NBEA: variants seen among roughly 807,000 people sequenced by gnomAD.
The protein encoded by NBEA is neurobeachin, also known as lysosomal-trafficking regulator 2.
Under a neutral mutation model 343.4 loss-of-function variants are expected in NBEA, and 44 were observed. That is an observed-to-expected ratio of 0.13 (90% CI 0.10 to 0.16). The LOEUF (loss-of-function observed/expected upper bound fraction) is 0.16, where lower values mean the gene tolerates loss of function less well. Among genes scored for constraint, NBEA ranks in the 10% least tolerant of loss-of-function variants. NBEA has a pLI of 1.00. For synonymous variants in NBEA, 1,175 were observed against 1,238.7 expected (o/e 0.95, Z 1.08); for missense variants, 2,555 against 3,631.3 (o/e 0.70, Z 7.62).
intron 39 of NBEA, among the ~76,000 whole-genome samples, chr13:35,438,184 T>C (rs149620404): frequency 1.3e-5 from 2 of 152,268 alleles, no homozygotes; most frequent in Admixed American, 6.5e-5. Context: ...TAATAAGATA[T>C]GCTGAGAACT....
At chr13:35,611,947 A>G (rs2082539485) in intron 48 of NBEA, among the ~76,000 whole-genome samples, 1 of 152,200 alleles carries the variant, frequency 6.6e-6, no homozygotes, top group South Asian at 2.1e-4. Context: ...TTGCTGGGTC[A>G]TATGGTAAAT....
At chr13:35,331,225 T>C (rs1341365648) in intron 36 of NBEA, among the ~76,000 whole-genome samples, 1 of 152,034 alleles carries the variant, frequency 6.6e-6, no homozygotes. Flanking sequence ...ACTTTTGAGA[T>C]TTTGGAGCCA....
In NBEA at chr13:35,160,027, A is replaced by G. The variant is rs781592524; in HGVS notation, c.3856A>G (p.Thr1286Ala). The G allele has an allele frequency of 3.2e-6, 5 of 1,570,326 alleles. No individual in the cohort carries two copies. The South Asian group carries it at 6.0e-5, about 19-fold the overall frequency. Residue 1286 changes from threonine to alanine, a missense_variant, in exon 22 of 59, where the codon ACA (threonine) becomes GCA (alanine). Transcript: ENST00000379939. Reference protein sequence around the residue: ...EIRKIQTTTTTQAVQGRSITQ... With the variant: ...EIRKIQTTTTAQAVQGRSITQ... Reference sequence around the variant, plus strand: ...CCGAAAAATCCAAACAACTACTACGACACAAGTAAGCTACCTTATATGAGT... The same window carrying G: ...CCGAAAAATCCAAACAACTACTACGGCACAAGTAAGCTACCTTATATGAGT...
chr13:35,303,534 T>G (rs1046763133), intron 35 of NBEA, among the ~76,000 whole-genome samples: 16 of 152,318 alleles, frequency 1.1e-4, no homozygotes, highest in African/African-American at 3.6e-4. Flanking sequence ...TACAGTCATG[T>G]TACTAAAGTC....
intron 1 of NBEA, among the ~76,000 whole-genome samples, chr13:34,946,367 A>T (rs2059183957): frequency 6.6e-6 from 1 of 152,154 alleles, no homozygotes; most frequent in Admixed American, 6.5e-5. Context: ...CTTTATCCAT[A>T]TTTGAAGTAA....
intron 1 of NBEA, among the ~76,000 whole-genome samples, chr13:35,024,520 C>T (rs545410830): frequency 6.6e-6 from 1 of 151,258 alleles, no homozygotes; most frequent in East Asian, 2.0e-4. Context: ...GAAAAAAAAA[C>T]AAAACAAAAA....
At chr13:35,496,631 CAAAAA>C (rs3075499) in intron 41 of NBEA, among the ~76,000 whole-genome samples, 6 of 105,246 alleles carry the variant, frequency 5.7e-5, no homozygotes, top group South Asian at 3.2e-4. Flanking sequence ...GAGATTCTGT[CAAAAA>C]AAAAAAAAAA....
rs558913614 is a variant in NBEA, at chr13:35,073,188, A to T, written c.1571+2336A>T. 1.7e-4 allele frequency among the ~76,000 whole-genome samples: 26 copies of T among 152,320 alleles called. No individual in the cohort carries two copies. In the South Asian group the frequency reaches 5.2e-3, roughly 30 times the overall value. ...CCCTCTATTTGAAAAATACAGATTC[A>T]TGGCTATGCAGGGGTGATAGAATTT... On this transcript the variant is annotated intron_variant, in intron 10 of 58. Transcript: ENST00000379939.
chr13:35,139,296 A>C (rs943698510), intron 17 of NBEA, among the ~76,000 whole-genome samples: 2 of 151,936 alleles, frequency 1.3e-5, no homozygotes, highest in South Asian at 4.2e-4. Context: ...CCTGACCTCA[A>C]GTGATCCGCC....
At chr13:35,409,672 T>C (rs547420342) in intron 38 of NBEA, among the ~76,000 whole-genome samples, 1 of 152,066 alleles carries the variant, frequency 6.6e-6, no homozygotes, top group Non-Finnish European at 1.5e-5. Context: ...GATAAATAAG[T>C]AAATTTGGAG....
chr13:35,212,123 A>G (rs905543076), intron 33 of NBEA, among the ~76,000 whole-genome samples: 2 of 152,112 alleles, frequency 1.3e-5, no homozygotes, highest in Non-Finnish European at 2.9e-5. Flanking sequence ...AAGTCAACAA[A>G]TAGACTGTAC....
intron 38 of NBEA, among the ~76,000 whole-genome samples, chr13:35,359,359 A>G (rs775115692): frequency 3.9e-5 from 6 of 152,058 alleles, no homozygotes; most frequent in Admixed American, 1.3e-4. Context: ...TTAATGTTTT[A>G]TAGCCATGTG....
chr13:35,643,988 C>T (rs2084095816), intron 49 of NBEA, among the ~76,000 whole-genome samples: 1 of 152,140 alleles, frequency 6.6e-6, no homozygotes, highest in Non-Finnish European at 1.5e-5. Flanking sequence ...TCCCCTCAAA[C>T]GTTTTAGTAA....
chr13:35,585,323 C>A (rs1425480646), intron 46 of NBEA, among the ~76,000 whole-genome samples: 2 of 152,058 alleles, frequency 1.3e-5, no homozygotes, highest in Non-Finnish European at 2.9e-5. Flanking sequence ...CATCACTTTA[C>A]TGAACTGTTT....
intron 1 of NBEA, among the ~76,000 whole-genome samples, chr13:34,967,742 G>T (rs1486704928): frequency 1.3e-5 from 2 of 152,042 alleles, no homozygotes; most frequent in Non-Finnish European, 2.9e-5. Flanking sequence ...CCCTGCAGTT[G>T]TAGTGGAAAG....
chr13:35,494,853 T>C (rs1282877319), intron 41 of NBEA, among the ~76,000 whole-genome samples: 2 of 151,278 alleles, frequency 1.3e-5, no homozygotes, highest in East Asian at 2.0e-4. Context: ...CTACAAAAAA[T>C]AGAAAAATTA....
At chr13:35,549,975 G>A (rs2079236075) in intron 41 of NBEA, among the ~76,000 whole-genome samples, 1 of 152,152 alleles carries the variant, frequency 6.6e-6, no homozygotes, top group East Asian at 1.9e-4. Flanking sequence ...AAACTGAGTA[G>A]TTGCAACTGA....
intron 39 of NBEA, among the ~76,000 whole-genome samples, chr13:35,448,995 G>T (rs2046175086): frequency 6.6e-6 from 1 of 152,168 alleles, no homozygotes; most frequent in Admixed American, 6.5e-5. Flanking sequence ...GGCCAAGGAG[G>T]AAAGGTAGGA....
At chr13:35,124,991 A>C (rs2067040267) in intron 17 of NBEA, among the ~76,000 whole-genome samples, 1 of 152,170 alleles carries the variant, frequency 6.6e-6, no homozygotes. Context: ...CCCAAGATGC[A>C]GCCTCCTAAA....
Sources: gnomAD v4.1 joint callset for allele counts (sites outside exome capture counted in the v4.1 genomes callset) on GRCh38, gnomAD v4.1.1 for gene constraint, MANE v1.5 for transcripts, NCBI Gene and HGNC (gene_info 2026-07-23, HGNC 2026-07-21) for gene names.